Variants in UBE2G1 observed in about 807,000 individuals in gnomAD.
The protein encoded by UBE2G1 is ubiquitin conjugating enzyme E2 G1.
In UBE2G1, 5 loss-of-function variants were observed where a neutral mutation model predicts 22.7. That is an observed-to-expected ratio of 0.22 (90% CI 0.12 to 0.46). UBE2G1 has a LOEUF of 0.46. Among genes scored for constraint, UBE2G1 ranks in the 20% least tolerant of loss-of-function variants. The probability of loss-of-function intolerance (pLI) is 0.99; values close to 1 mark genes in which losing one functional copy is unlikely to be tolerated. For missense variants in UBE2G1, 88 were observed against 203.9 expected, an observed-to-expected ratio of 0.43 and a Z score of 3.46; for synonymous variants, 74 against 67.5, an observed-to-expected ratio of 1.10 and a Z score of -0.47.
intron 2 of UBE2G1, chr17:4,302,264 G>A (rs752429453): frequency 2.8e-5 from 13 of 467,674 alleles, no homozygotes; most frequent in Non-Finnish European, 4.8e-5. Context: ...CAGTATTTGG[G>A]CTCCCAGTGG....
intron 1 of UBE2G1, among the ~76,000 whole-genome samples, chr17:4,322,436 C>A (rs1278345896): frequency 2.6e-5 from 4 of 152,200 alleles, no homozygotes; most frequent in Non-Finnish European, 5.9e-5. Context: ...GATTATATTT[C>A]TCTAATTCAA....
In UBE2G1 at chr17:4,366,343, G is replaced by A; in HGVS notation, c.-27C>T. The A allele has an allele frequency of 6.6e-7, 1 of 1,526,494 alleles. No individual in the cohort carries two copies. The highest frequency in any genetic ancestry group is 2.7e-5 in the East Asian group (1 of 37,196). 94.6% of individuals were successfully genotyped at this position (1,526,494 alleles called of 1,614,324 possible). A position where few individuals can be genotyped will look rare whatever the true frequency, so the allele number is the denominator to read the frequency against. On this transcript the variant is annotated 5_prime_UTR_variant, in exon 1 of 6. Transcript: ENST00000396981. The stretch of plus-strand genomic sequence containing the variant: ...CTCCCTGCCGAGGGCCCGGGCTGGC[G>A]CCGGGGCTTCCGAAGGGCTGGGGAC...
intron 5 of UBE2G1, 96 bp from the exon 6 acceptor site, chr17:4,272,612 A>T (rs1390545666): frequency 5.4e-6 from 1 of 186,452 alleles, no homozygotes; most frequent in Non-Finnish European, 1.1e-5. Context: ...ATTTGACAAC[A>T]AATCCTTAAT....
At chr17:4,346,202 G>A (rs1969769160) in intron 1 of UBE2G1, among the ~76,000 whole-genome samples, 1 of 152,060 alleles carries the variant, frequency 6.6e-6, no homozygotes, top group Non-Finnish European at 1.5e-5. Context: ...AACATCAAAT[G>A]TTAGTACTAA....
chr17:4,333,441 C>G (rs531913344), intron 1 of UBE2G1, among the ~76,000 whole-genome samples: 1 of 152,110 alleles, frequency 6.6e-6, no homozygotes, highest in Admixed American at 6.6e-5. Flanking sequence ...CTTGGGAGGT[C>G]GAGGCAGGCA....
chr17:4,293,324 T>C (rs1319847040), intron 3 of UBE2G1, among the ~76,000 whole-genome samples: 1 of 152,240 alleles, frequency 6.6e-6, no homozygotes, highest in Non-Finnish European at 1.5e-5. Flanking sequence ...ACTTCATTTC[T>C]TTCTTTTCTT....
intron 2 of UBE2G1, chr17:4,301,930 A>G: frequency 2.1e-6 from 1 of 483,942 alleles, no homozygotes; most frequent in Non-Finnish European, 4.1e-6. Flanking sequence ...CTGGGGTCAC[A>G]CTTAAGATTG....
chr17:4,340,311 T>C (rs185473125), intron 1 of UBE2G1, among the ~76,000 whole-genome samples: 19 of 152,326 alleles, frequency 1.2e-4, no homozygotes, highest in African/African-American at 4.1e-4. Flanking sequence ...TTAGAGAACA[T>C]AGCTACTGAA....
chr17:4,301,691 G>GT (rs1567518451), intron 2 of UBE2G1: 6 of 707,148 alleles, frequency 8.5e-6, no homozygotes, highest in Non-Finnish European at 1.6e-5. Context: ...AATATTTAAT[G>GT]TTTTTTGGCT....
Position 4,353,685 on chromosome 17 carries a change from G to A in UBE2G1, c.46+12586C>T, listed in dbSNP as rs556705370. 1.4e-3 allele frequency among the ~76,000 whole-genome samples: 209 copies of A among 151,786 alleles called. 1 individual carries two copies. The highest frequency in any genetic ancestry group is 4.7e-3 in the African/African-American group (196 of 41,418). ...GTGCCACCACACCCGGCTAATTTTTGTATTTTTAGTAGAGACGGGTTTCAC... is the reference window on the plus strand; with the variant it reads ...GTGCCACCACACCCGGCTAATTTTTATATTTTTAGTAGAGACGGGTTTCAC... On this transcript the variant is annotated intron_variant, in intron 1 of 5. Coordinates refer to ENST00000396981, the MANE Select transcript of UBE2G1 (RefSeq NM_003342.5).
At chr17:4,338,100 G>A (rs970403312) in intron 1 of UBE2G1, among the ~76,000 whole-genome samples, 3 of 151,850 alleles carry the variant, frequency 2.0e-5, no homozygotes, top group Non-Finnish European at 4.4e-5. Flanking sequence ...AACCTGGGAG[G>A]CAGAGGTTGC....
intron 3 of UBE2G1, among the ~76,000 whole-genome samples, chr17:4,291,553 C>T (rs193106791): frequency 1.3e-5 from 2 of 152,022 alleles, no homozygotes; most frequent in Non-Finnish European, 2.9e-5. Context: ...ATATAAGATC[C>T]ATTTTCCTTT....
At chr17:4,291,460 T>C (rs1598182353) in intron 3 of UBE2G1, among the ~76,000 whole-genome samples, 1 of 152,158 alleles carries the variant, frequency 6.6e-6, no homozygotes, top group Admixed American at 6.5e-5. Context: ...TTTTCTGTAC[T>C]TACTGTGTAA....
At chr17:4,348,421 C>T (rs1158378969) in intron 1 of UBE2G1, among the ~76,000 whole-genome samples, 2 of 150,270 alleles carry the variant, frequency 1.3e-5, no homozygotes, top group Admixed American at 6.6e-5. Flanking sequence ...GGCGTAGTGG[C>T]GGGCGCCTGT....
At chr17:4,324,695 G>A (rs1048492588) in intron 1 of UBE2G1, among the ~76,000 whole-genome samples, 3 of 152,068 alleles carry the variant, frequency 2.0e-5, no homozygotes, top group South Asian at 2.1e-4. Flanking sequence ...TGGGATCACA[G>A]GCATGAGCCA....
At chr17:4,291,953 C>T (rs1969046950) in intron 3 of UBE2G1, among the ~76,000 whole-genome samples, 1 of 152,138 alleles carries the variant, frequency 6.6e-6, no homozygotes, top group Non-Finnish European at 1.5e-5. Context: ...CACGGTGTTT[C>T]TTAGTTTTCC....
chr17:4,354,053 T>C (rs1337451035), intron 1 of UBE2G1, among the ~76,000 whole-genome samples: 1 of 152,158 alleles, frequency 6.6e-6, no homozygotes, highest in Non-Finnish European at 1.5e-5. Context: ...GTTCAGTTTA[T>C]CATATACTCC....
rs1330400193 is a variant in UBE2G1 at position 4,303,278 on chromosome 17, TACAA to T, written c.149+3739_149+3742del. Among the ~76,000 whole-genome samples, 3 of 152,220 alleles carry T rather than the reference TACAA, an allele frequency of 2.0e-5. No homozygotes were observed. The East Asian group carries it at 5.8e-4, about 29-fold the overall frequency. Reference sequence around the variant, plus strand: ...AATCTCTTAGGGACACAAATTATAGTACAAACAGTCTGTACAGTTTTTCATATAG... The same window carrying T: ...AATCTCTTAGGGACACAAATTATAGTACAGTCTGTACAGTTTTTCATATAG... On this transcript the variant is annotated intron_variant, in intron 2 of 5. Transcript: ENST00000396981.
At chr17:4,276,265 C>T (rs1275921829) in intron 5 of UBE2G1, among the ~76,000 whole-genome samples, 3 of 152,104 alleles carry the variant, frequency 2.0e-5, no homozygotes, top group African/African-American at 7.2e-5. Context: ...ATCTCCGCCT[C>T]CCAGGTTGAA....
Sources: gnomAD v4.1 joint callset for allele counts (sites outside exome capture counted in the v4.1 genomes callset) on GRCh38, gnomAD v4.1.1 for gene constraint, MANE v1.5 for transcripts, NCBI Gene and HGNC (gene_info 2026-07-23, HGNC 2026-07-21) for gene names.